The following MFN2 variants were observed in gnomAD, a reference collection of about 807,000 sequenced individuals.
MFN2 encodes the protein mitofusin-2.
Under a neutral mutation model 87.5 loss-of-function variants are expected in MFN2, and 43 were observed. The ratio of observed to expected loss-of-function variants is 0.49; its 90% CI spans 0.38 to 0.63. The LOEUF is 0.63. Ranked by LOEUF, MFN2 falls within the 30% of genes least tolerant of loss-of-function variation. The pLI, the probability that MFN2 is intolerant of heterozygous loss-of-function variation, is 0.00. For synonymous variants in MFN2, 337 were observed against 359.9 expected, an observed-to-expected ratio of 0.94 and a Z score of 0.72; for missense variants, 743 against 972.8, an observed-to-expected ratio of 0.76 and a Z score of 3.14.
At position 12,001,529 on chromosome 1, in the gene MFN2, G is replaced by A. The variant is rs1569852176; in HGVS notation, c.945G>A (p.Gln315=). The change falls in exon 9 of 19, where the codon CAG becomes CAA. Residue 315 remains glutamine, a synonymous_variant. Coordinates refer to ENST00000235329, the MANE Select transcript of MFN2 (RefSeq NM_014874.4). ...SAKEVLNARI[Q]KAQGMPEGGG... is the part of the protein sequence containing the mutation. ...AGGAGGTGCTCAACGCCAGGATTCA[G>A]AAAGCCCAGGGCATGCCTGAAGGAG... 1.2e-6 allele frequency: 2 copies of A among 1,614,128 alleles called. No homozygotes were observed. Among genetic ancestry groups the A allele is most frequent in the Admixed American group, 1.7e-5 (1 of 60,014 alleles).
At chr1:12,009,807 T>G in intron 18 of MFN2, 81 bp downstream of exon 18, 1 of 1,601,494 alleles carries the variant, frequency 6.2e-7, no homozygotes, top group Non-Finnish European at 8.5e-7. Flanking sequence ...TGGGCTTGCG[T>G]CTTGGGTGTG....
At chr1:11,992,366 C>G (rs974964097) in intron 3 of MFN2, 189 bp from the exon 4 acceptor site, 2 of 701,382 alleles carry the variant, frequency 2.9e-6, no homozygotes, top group Non-Finnish European at 5.0e-6. Flanking sequence ...CAGTGTTGCT[C>G]CTGAGCCATC....
rs550788061 is a variant in MFN2 at position 11,980,764 on chromosome 1, A to G, written c.-150+280A>G. Among the ~76,000 whole-genome samples the G allele has an allele frequency of 1.4e-4, 22 of 151,938 alleles. No individual in the cohort carries two copies. The South Asian group carries it at 2.7e-3, about 19-fold the overall frequency. On this transcript the variant is annotated intron_variant, in intron 1 of 18. Coordinates refer to ENST00000235329, the MANE Select transcript of MFN2 (RefSeq NM_014874.4). ...CATGTTCTACCCCTGCCCCTTCTCT[A>G]TTTTTCATCCTGTCTTCATTTTGCC...
At chr1:11,989,433 C>G in intron 3 of MFN2, 90 bp downstream of exon 3, 1 of 1,440,216 alleles carries the variant, frequency 6.9e-7, no homozygotes. Flanking sequence ...TATCTCTGCT[C>G]CCAGGGAAGT....
intron 3 of MFN2, 29 bp downstream of exon 3, chr1:11,989,372 G>C: frequency 6.2e-7 from 1 of 1,610,808 alleles, no homozygotes; most frequent in Non-Finnish European, 8.5e-7. Context: ...AGCCAGGCCC[G>C]CTCTTACCTG....
chr1:12,007,331 C>T lies in MFN2; in HGVS notation c.2069+82C>T, dbSNP rs11586204. On this transcript the variant is annotated intron_variant, in intron 17 of 18. Coordinates refer to ENST00000235329, the MANE Select transcript of MFN2 (RefSeq NM_014874.4). Reference sequence around the variant, plus strand: ...TCTCCCTTCCCCATCTCTCTTCCCACGTGGCCTGGAAGCCACTGGGTCCTA... The same window carrying T: ...TCTCCCTTCCCCATCTCTCTTCCCATGTGGCCTGGAAGCCACTGGGTCCTA... 84,618 of 1,528,070 alleles carry T rather than the reference C, an allele frequency of 0.055. 2,675 individuals are homozygous for T. The highest frequency in any genetic ancestry group is 0.11 in the East Asian group (4,410 of 41,296). The allele number at this position is 1,528,070 out of a possible 1,614,324, so 94.7% of individuals were successfully genotyped here.
chr1:11,981,878 T>A (rs1224267364), intron 1 of MFN2, 92 bp from the exon 2 acceptor site: 1 of 151,604 alleles, frequency 6.6e-6, no homozygotes, highest in Admixed American at 6.6e-5. Context: ...GGGATGAGTT[T>A]GTTTGGCTTG....
intron 5 of MFN2, among the ~76,000 whole-genome samples, chr1:11,997,055 AAAG>A (rs1167187448): frequency 4.6e-5 from 7 of 152,210 alleles, no homozygotes; most frequent in East Asian, 3.9e-4. Context: ...AAAAAAAAAA[AAAG>A]AATCAATCAG....
In MFN2 at chr1:12,004,619, T is replaced by C; in HGVS notation, c.1392+6T>C. 6.2e-7 allele frequency: 1 copy of C among 1,612,860 alleles called. No individual in the cohort carries two copies. Among genetic ancestry groups the C allele is most frequent in the South Asian group, 1.1e-5 (1 of 91,038 alleles). On this transcript the variant is annotated splice_donor_region_variant and intron_variant, in intron 13 of 18. Coordinates refer to ENST00000235329, the MANE Select transcript of MFN2 (RefSeq NM_014874.4). This position sits in a 1 kb window ranked among gnomAD's most constrained non-coding sequence, Gnocchi z 4.2. The stretch of plus-strand genomic sequence containing the variant: ...TCCTCAAGGTTTATAAGAATGTGAG[T>C]CATGGAGCAACAGGTCCTCTTGGCA...
At chr1:11,995,735 G>A (rs532949083) in intron 4 of MFN2, among the ~76,000 whole-genome samples, 3 of 152,310 alleles carry the variant, frequency 2.0e-5, no homozygotes, top group South Asian at 2.1e-4. Flanking sequence ...AAGGAGGAGC[G>A]TGATGGGAGA....
At chr1:12,006,515 C>T (rs368491706) in intron 15 of MFN2, 23 bp from the exon 16 acceptor site, 15 of 1,613,600 alleles carry the variant, frequency 9.3e-6, no homozygotes, top group Non-Finnish European at 1.7e-6. Flanking sequence ...TCCCCCTCAC[C>T]CCTCTCATGT....
chr1:11,988,265 C>T (rs1019045967), intron 2 of MFN2, among the ~76,000 whole-genome samples: 6 of 151,932 alleles, frequency 3.9e-5, no homozygotes, highest in African/African-American at 7.3e-5. Flanking sequence ...CCACACCCGG[C>T]TATATTTTTT....
chr1:11,997,038 C>CAA (rs35141271), intron 5 of MFN2, among the ~76,000 whole-genome samples: 20 of 99,780 alleles, frequency 2.0e-4, no homozygotes, highest in Middle Eastern at 5.0e-3. Flanking sequence ...GACTCCGTCT[C>CAA]AAAAAAAAAA....
chr1:11,988,544 C>T (rs1638531577), intron 2 of MFN2, among the ~76,000 whole-genome samples: 1 of 151,726 alleles, frequency 6.6e-6, no homozygotes, highest in Non-Finnish European at 1.5e-5. Flanking sequence ...TGGCCCCTAA[C>T]CAATAGTGTT....
At chr1:12,008,267 A>C (rs1391134824) in intron 17 of MFN2, among the ~76,000 whole-genome samples, 1 of 152,038 alleles carries the variant, frequency 6.6e-6, no homozygotes, top group Admixed American at 6.5e-5. Flanking sequence ...TGTTGGGTAC[A>C]CCTCCCAGAC....
intron 17 of MFN2, among the ~76,000 whole-genome samples, chr1:12,008,812 C>T (rs1402333290): frequency 7.2e-5 from 11 of 152,254 alleles, no homozygotes; most frequent in East Asian, 1.9e-4. Flanking sequence ...GGGTGGCGGC[C>T]GGGCAGAGGC....
chr1:12,008,810 G>C (rs534772292), intron 17 of MFN2, among the ~76,000 whole-genome samples: 1 of 152,358 alleles, frequency 6.6e-6, no homozygotes, highest in East Asian at 1.9e-4. Context: ...CGGGGTGGCG[G>C]CCGGGCAGAG....
At chr1:12,000,432 C>T (rs747002055) in intron 8 of MFN2, among the ~76,000 whole-genome samples, 23 of 152,102 alleles carry the variant, frequency 1.5e-4, no homozygotes, top group Non-Finnish European at 2.9e-4. Context: ...TTAAGTGATC[C>T]GCCCGCCTCG....
intron 3 of MFN2, 67 bp from the exon 4 acceptor site, chr1:11,992,488 C>T (rs1638730573): frequency 6.2e-7 from 1 of 1,607,438 alleles, no homozygotes; most frequent in Non-Finnish European, 8.5e-7. Flanking sequence ...CGCTCTGGCC[C>T]TTCCAGACTT....
Sources: gnomAD v4.1 joint callset for allele counts (sites outside exome capture counted in the v4.1 genomes callset) on GRCh38, gnomAD v4.1.1 for gene constraint, Gnocchi (gnomAD v3.1) non-coding constraint, MANE v1.5 for transcripts, NCBI Gene and HGNC (gene_info 2026-07-23, HGNC 2026-07-21) for gene names.